Variants in TXNDC16 observed in about 807,000 individuals in gnomAD.
The protein encoded by TXNDC16 is thioredoxin domain containing 16, also known as thioredoxin domain-containing protein 16.
In TXNDC16, 74 loss-of-function variants were observed where a neutral mutation model predicts 85.6. That is an observed-to-expected ratio of 0.86 (90% CI 0.72 to 1.05). The LOEUF is 1.05. TXNDC16 is among the 50% of genes least tolerant of loss of function. The pLI is 0.00. For missense variants in TXNDC16, 959 were observed against 947.0 expected (o/e 1.01, Z -0.17); for synonymous variants, 335 against 326.5 (o/e 1.03, Z -0.28).
rs117211704 is a variant in TXNDC16 at position 52,507,777 on chromosome 14, G to T, written c.756+3463C>A. ...TAATGCCGCATATCTATAAGTATCTGATCTTTGACAAATGTGACAAAAACA... is the reference window on the plus strand; with the variant it reads ...TAATGCCGCATATCTATAAGTATCTTATCTTTGACAAATGTGACAAAAACA... On this transcript the variant is annotated intron_variant, in intron 9 of 20. Coordinates refer to ENST00000281741, the MANE Select transcript of TXNDC16 (RefSeq NM_020784.3). Among the ~76,000 whole-genome samples, 337 of 152,312 alleles carry T rather than the reference G, an allele frequency of 2.2e-3. 3 individuals are homozygous for T. The highest frequency in any genetic ancestry group is 0.014 in the Middle Eastern group (4 of 294).
chr14:52,532,263 G>T (rs564206812), intron 6 of TXNDC16, among the ~76,000 whole-genome samples: 2 of 152,206 alleles, frequency 1.3e-5, no homozygotes, highest in South Asian at 4.1e-4. Context: ...TTATTCCAGA[G>T]GCTGAGGTGG....
At chr14:52,453,364 T>C (rs761855755) in intron 18 of TXNDC16, among the ~76,000 whole-genome samples, 12 of 152,214 alleles carry the variant, frequency 7.9e-5, no homozygotes, top group Non-Finnish European at 1.8e-4. Flanking sequence ...ACCAAAGAGA[T>C]ATCTGCACTC....
intron 9 of TXNDC16, among the ~76,000 whole-genome samples, chr14:52,502,109 G>C (rs1046049062): frequency 1.3e-5 from 2 of 152,176 alleles, no homozygotes; most frequent in African/African-American, 4.8e-5. Flanking sequence ...TCTCAGCTTA[G>C]CTTTCCAATT....
At chr14:52,525,146 G>A (rs1484360119) in intron 6 of TXNDC16, among the ~76,000 whole-genome samples, 2 of 151,824 alleles carry the variant, frequency 1.3e-5, no homozygotes, top group African/African-American at 4.8e-5. Flanking sequence ...CATTGCAACT[G>A]CTGCCTCATG....
Position 52,490,436 on chromosome 14 carries a change from C to A in TXNDC16, c.939G>T (p.Val313=). 6.2e-7 allele frequency: 1 copy of A among 1,601,056 alleles called. No individual in the cohort carries two copies. The highest frequency in any genetic ancestry group is 1.1e-5 in the South Asian group (1 of 87,840). Reference sequence around the variant, plus strand: ...CCACATTAGCATCTTGAGGAATGTTCACTTCCAAAGAGTCCCTTTTTCAAA... The same window carrying A: ...CCACATTAGCATCTTGAGGAATGTTAACTTCCAAAGAGTCCCTTTTTCAAA... ...VLLLLRDSLE[V]NIPQDANVVF... The change falls in exon 11 of 21, where the codon GTG becomes GTT. Residue 313 remains valine (V), a synonymous_variant. Coordinates refer to ENST00000281741, the MANE Select transcript of TXNDC16 (RefSeq NM_020784.3).
rs2034891449 is a variant in TXNDC16, at chr14:52,431,386, T to C, written c.*918A>G. 6.6e-6 allele frequency: 1 copy of C among 152,242 alleles called. No individual in the cohort carries two copies. The highest frequency in any genetic ancestry group is 2.1e-4 in the South Asian group (1 of 4,830). The allele number at this position is 152,242 out of a possible 1,614,324, so 9.4% of individuals were successfully genotyped here. On this transcript the variant is annotated 3_prime_UTR_variant, in exon 21 of 21. Coordinates refer to ENST00000281741, the MANE Select transcript of TXNDC16 (RefSeq NM_020784.3). ...CTCACTTAAAATATAAATATCATTC[T>C]GAGTCCTCTTCTAGGGTTATCCCAT...
chr14:52,542,375 G>GC lies in TXNDC16; in HGVS notation c.238dup (p.Ala80GlyfsTer4). 1 of 1,600,582 alleles carries GC rather than the reference G, an allele frequency of 6.2e-7. No individual in the cohort carries two copies. The highest frequency in any genetic ancestry group is 8.5e-7 in the Non-Finnish European group (1 of 1,172,762). ...GTAACATAAATATCTTTCTACCTTG[G>GC]CAACTGAAATTCCATAGTCCTGCAG... On this transcript the variant is annotated frameshift_variant, in exon 4 of 21. Coordinates refer to ENST00000281741, the MANE Select transcript of TXNDC16 (RefSeq NM_020784.3). LOFTEE classifies it high-confidence loss of function.
chr14:52,520,513 G>A (rs1257581450), intron 6 of TXNDC16, among the ~76,000 whole-genome samples: 1 of 152,108 alleles, frequency 6.6e-6, no homozygotes. Context: ...GGGAGGCTGA[G>A]GCAGGAGAAT....
intron 14 of TXNDC16, among the ~76,000 whole-genome samples, chr14:52,480,961 G>GTATATATATATATGTATATATATATA (rs987433545): frequency 2.5e-5 from 3 of 118,566 alleles, no homozygotes; most frequent in African/African-American, 3.2e-5. Context: ...GTGTGTGTGT[G>GTATATATATATATGTATATATATATA]TATATATATA....
intron 18 of TXNDC16, among the ~76,000 whole-genome samples, chr14:52,450,529 C>T (rs900722643): frequency 1.3e-5 from 2 of 150,540 alleles, no homozygotes; most frequent in African/African-American, 4.9e-5. Context: ...GAACTAATAC[C>T]AATTATCAGG....
chr14:52,442,747 T>C (rs1426730385), intron 18 of TXNDC16, among the ~76,000 whole-genome samples: 4 of 152,110 alleles, frequency 2.6e-5, no homozygotes, highest in Non-Finnish European at 4.4e-5. Context: ...TGACAGATCT[T>C]TTATTGAACA....
At chr14:52,455,508 G>A (rs1400310073) in intron 17 of TXNDC16, 46 bp from the exon 18 acceptor site, 10 of 1,606,894 alleles carry the variant, frequency 6.2e-6, no homozygotes, top group Admixed American at 1.7e-5. Flanking sequence ...AATCTAGCAT[G>A]TCAAAAACAT....
chr14:52,449,961 A>G (rs986602614), intron 18 of TXNDC16, among the ~76,000 whole-genome samples: 1 of 152,100 alleles, frequency 6.6e-6, no homozygotes, highest in African/African-American at 2.4e-5. Context: ...GAAAGTTTAT[A>G]GCAATGAGCA....
rs1952254 is a variant in TXNDC16 at position 52,440,635 on chromosome 14, C to G, written c.1932G>C (p.Gln644His). 1 of 1,606,598 alleles carries G rather than the reference C, an allele frequency of 6.2e-7. No homozygotes were observed. The highest frequency in any genetic ancestry group is 1.3e-5 in the African/African-American group (1 of 74,496). The part of the protein sequence containing the change: ...ILFSDGTVNP[Q>H]YKKAILTLVK... ...CCAGTGTCAATATTGCTTTTTTATA[C>G]TGAGGATTTACAGTGCCATCACTGA... Residue 644 changes from glutamine to histidine, a missense_variant, in exon 19 of 21, where the codon CAG becomes CAC. Physicochemically the swap from Gln to His is conservative, Grantham distance 24. Coordinates refer to ENST00000281741, the MANE Select transcript of TXNDC16 (RefSeq NM_020784.3).
intron 17 of TXNDC16, among the ~76,000 whole-genome samples, chr14:52,456,385 T>C (rs1297369126): frequency 3.3e-5 from 5 of 152,156 alleles, no homozygotes; most frequent in African/African-American, 9.7e-5. Context: ...CTTTAATATA[T>C]ACTTTATGAA....
chr14:52,455,533 G>A, intron 17 of TXNDC16, 71 bp from the exon 18 acceptor site: 1 of 1,578,736 alleles, frequency 6.3e-7, no homozygotes, highest in Non-Finnish European at 8.6e-7. Context: ...ATCTAGGCTA[G>A]GAGGTCACAG....
chr14:52,500,673 G>C (rs926834463), intron 9 of TXNDC16, among the ~76,000 whole-genome samples: 1 of 152,094 alleles, frequency 6.6e-6, no homozygotes, highest in Admixed American at 6.5e-5. Context: ...GCACAATATT[G>C]CACACTGCCA....
At chr14:52,532,804 A>G (rs1204550710) in intron 6 of TXNDC16, among the ~76,000 whole-genome samples, 1 of 152,132 alleles carries the variant, frequency 6.6e-6, no homozygotes, top group Non-Finnish European at 1.5e-5. Flanking sequence ...ACTGCTAGCC[A>G]GGAACTGGGT....
At chr14:52,540,953 A>T (rs76460463) in intron 4 of TXNDC16, among the ~76,000 whole-genome samples, 1 of 151,948 alleles carries the variant, frequency 6.6e-6, no homozygotes, top group Non-Finnish European at 1.5e-5. Context: ...CAGGAGTTTC[A>T]GGCCGGGTGC....
Sources: allele counts gnomAD v4.1 joint callset (sites outside exome capture counted in the v4.1 genomes callset), GRCh38; gene constraint gnomAD v4.1.1; transcripts MANE v1.5; gene names NCBI Gene and HGNC (gene_info 2026-07-23, HGNC 2026-07-21).